Variants in GORAB observed in about 807,000 individuals in gnomAD.
GORAB encodes the protein RAB6-interacting golgin.
Under a neutral mutation model 29.9 loss-of-function variants are expected in GORAB, and 17 were observed. The observed-to-expected ratio is 0.57, with a 90% CI of 0.39 to 0.85. The LOEUF (loss-of-function observed/expected upper bound fraction) is 0.85. Ranked by LOEUF, GORAB falls within the 40% of genes least tolerant of loss-of-function variation. The pLI, the probability that GORAB is intolerant of heterozygous loss-of-function variation, is 0.00. For synonymous variants in GORAB, 183 were observed against 157.2 expected (o/e 1.16, Z -1.23); for missense variants, 442 against 437.8 (o/e 1.01, Z -0.09).
At chr1:170,536,799 G>A (rs1171559446) in intron 1 of GORAB, among the ~76,000 whole-genome samples, 1 of 152,166 alleles carries the variant, frequency 6.6e-6, no homozygotes, top group Non-Finnish European at 1.5e-5. Flanking sequence ...GTAATATTAA[G>A]TAAAACAGAT....
intron 2 of GORAB, among the ~76,000 whole-genome samples, chr1:170,540,016 A>G (rs1431344952): frequency 7.1e-6 from 1 of 141,686 alleles, no homozygotes; most frequent in Non-Finnish European, 1.5e-5. Context: ...CCCAGGCTGG[A>G]GTGCAATGGC....
chr1:170,546,551 T>C (rs565532577), intron 4 of GORAB, among the ~76,000 whole-genome samples: 9 of 152,246 alleles, frequency 5.9e-5, no homozygotes, highest in Non-Finnish European at 1.3e-4. Context: ...AAAAACATCC[T>C]ATAGTCTATA....
intron 1 of GORAB, among the ~76,000 whole-genome samples, chr1:170,532,930 T>C (rs1224552510): frequency 6.6e-6 from 1 of 152,236 alleles, no homozygotes; most frequent in Non-Finnish European, 1.5e-5. Context: ...CTTGTGCTTC[T>C]CTCTCTGGCT....
In GORAB at chr1:170,553,148, T is replaced by C. The variant is rs1295995313; in HGVS notation, c.*686T>C. On this transcript the variant is annotated 3_prime_UTR_variant, in exon 5 of 5. Transcript: ENST00000367763. The stretch of plus-strand genomic sequence containing the variant: ...TGTAATTTTACTATTTTATTGTCTT[T>C]CCTTTAATCGATGAATTGATTAAAT... The C allele has an allele frequency of 2.3e-6, 1 of 434,908 alleles. No individual in the cohort carries two copies. The allele number at this position is 434,908 out of a possible 1,614,324, so 26.9% of individuals were successfully genotyped here.
At chr1:170,542,020 A>G (rs1006646413) in intron 2 of GORAB, among the ~76,000 whole-genome samples, 15 of 152,236 alleles carry the variant, frequency 9.9e-5, no homozygotes, top group Admixed American at 1.3e-4. Flanking sequence ...GAAAGAAAAT[A>G]TTAATATATG....
intron 4 of GORAB, among the ~76,000 whole-genome samples, chr1:170,548,199 G>A (rs996464641): frequency 1.3e-5 from 2 of 152,192 alleles, no homozygotes; most frequent in African/African-American, 4.8e-5. Flanking sequence ...GGTGGCTGTG[G>A]GCATCCCTTG....
Position 170,552,321 on chromosome 1 carries a change from T to C in GORAB, c.969T>C (p.Ala323=), listed in dbSNP as rs1650172138. The C allele has an allele frequency of 6.2e-7, 1 of 1,614,148 alleles. No individual in the cohort carries two copies. ...AGGAGAGTGTGACATTAGAATTTGCTAAAGAGAACAGAAAGTGTCAAGAAC... is the reference window on the plus strand; with the variant it reads ...AGGAGAGTGTGACATTAGAATTTGCCAAAGAGAACAGAAAGTGTCAAGAAC... ...PAEESVTLEF[A]KENRKCQEQA... Residue 323 remains alanine, a synonymous_variant, in exon 5 of 5, where the codon GCT becomes GCC. Transcript: ENST00000367763.
At chr1:170,534,633 A>C (rs1316232935) in intron 1 of GORAB, among the ~76,000 whole-genome samples, 16 of 152,206 alleles carry the variant, frequency 1.1e-4, no homozygotes, top group Admixed American at 5.9e-4. Context: ...ATGTTTAGAT[A>C]CACAAATACC....
intron 1 of GORAB, among the ~76,000 whole-genome samples, chr1:170,536,891 TAGAG>T (rs1210124227): frequency 7.9e-5 from 12 of 152,188 alleles, no homozygotes; most frequent in African/African-American, 2.2e-4. Context: ...ATATGACTAT[TAGAG>T]AAGGAAGAGA....
At chr1:170,532,422 T>G in intron 1 of GORAB, 138 bp downstream of exon 1, 1 of 924,308 alleles carries the variant, frequency 1.1e-6, no homozygotes, top group Non-Finnish European at 1.7e-6. Context: ...GTGGACTGGA[T>G]TAGGGGGTTT....
At chr1:170,550,826 C>CT (rs1426205486) in intron 4 of GORAB, among the ~76,000 whole-genome samples, 1 of 152,118 alleles carries the variant, frequency 6.6e-6, no homozygotes, top group Non-Finnish European at 1.5e-5. Context: ...GGAAATCAAT[C>CT]TTTTTTCTTG....
chr1:170,543,753 GTTC>G (rs1649586745), intron 3 of GORAB, among the ~76,000 whole-genome samples: 1 of 151,944 alleles, frequency 6.6e-6, no homozygotes, highest in African/African-American at 2.4e-5. Context: ...AGGCTCAGCA[GTTC>G]TTCTCATAAG....
At position 170,538,438 on chromosome 1, in the gene GORAB, A is replaced by G. The variant is rs567491929; in HGVS notation, c.62-772A>G. Among the ~76,000 whole-genome samples, 52 of 152,288 alleles carry G rather than the reference A, an allele frequency of 3.4e-4. No individual in the cohort carries two copies. The East Asian group carries it at 7.3e-3, about 21-fold the overall frequency. ...GTATGAATGTGGGTCAGATTCTCCA[A>G]TTGTCTGCCCTAAGATGTTAACACT... On this transcript the variant is annotated intron_variant, in intron 1 of 4. Transcript: ENST00000367763.
intron 2 of GORAB, 82 bp downstream of exon 2, chr1:170,539,649 G>T: frequency 6.9e-7 from 1 of 1,442,722 alleles, no homozygotes; most frequent in African/African-American, 1.4e-5. Context: ...AATATAATTT[G>T]TTTATTTTAA....
Position 170,539,491 on chromosome 1 carries a change from T to C in GORAB, c.343T>C (p.Ser115Pro). The C allele has an allele frequency of 3.1e-6, 5 of 1,614,084 alleles. No individual in the cohort carries two copies. Among genetic ancestry groups the C allele is most frequent in the Non-Finnish European group, 4.2e-6 (5 of 1,179,984 alleles). ...GCCAAAGGAACTGGGACTTGAGAAT[T>C]CCCATGATGGTCACAACAATGTTGA... The part of the protein sequence containing the change: ...SQPKELGLEN[S>P]HDGHNNVEIL... The change falls in exon 2 of 5, where the codon TCC becomes CCC. Residue 115 changes from serine (S) to proline (P), a missense_variant. Physicochemically the swap from Ser to Pro is moderately conservative, Grantham distance 74. Transcript: ENST00000367763.
intron 2 of GORAB, among the ~76,000 whole-genome samples, chr1:170,541,853 C>G (rs1224625180): frequency 6.6e-6 from 1 of 152,048 alleles, no homozygotes; most frequent in Non-Finnish European, 1.5e-5. Context: ...TGGCTCACAC[C>G]TGTAATCCCA....
At chr1:170,533,805 G>A (rs755341921) in intron 1 of GORAB, among the ~76,000 whole-genome samples, 3 of 152,122 alleles carry the variant, frequency 2.0e-5, no homozygotes, top group Admixed American at 1.3e-4. Flanking sequence ...TCGCTAGTCC[G>A]TGACCACCTC....
chr1:170,543,071 G>T (rs1267201546), intron 3 of GORAB, among the ~76,000 whole-genome samples: 1 of 152,180 alleles, frequency 6.6e-6, no homozygotes, highest in Admixed American at 6.5e-5. Flanking sequence ...ACAAGTAGAA[G>T]ATACATGATA....
chr1:170,543,375 C>T lies in GORAB; in HGVS notation c.521+783C>T, dbSNP rs368051207. ...GGAAGTACATTTTCTTTTTAGACTT[C>T]CAGAAAAGTCTGTCAAACTGTTACT... On this transcript the variant is annotated intron_variant, in intron 3 of 4. Coordinates refer to ENST00000367763, the MANE Select transcript of GORAB (RefSeq NM_152281.3). Among the ~76,000 whole-genome samples the T allele has an allele frequency of 1.2e-3, 189 of 152,220 alleles. 2 individuals carry two copies. Among genetic ancestry groups the T allele is most frequent in the Middle Eastern group, 0.01 (3 of 294 alleles).
Sources: allele counts gnomAD v4.1 joint callset (sites outside exome capture counted in the v4.1 genomes callset), GRCh38; gene constraint gnomAD v4.1.1; transcripts MANE v1.5; gene names NCBI Gene and HGNC (gene_info 2026-07-23, HGNC 2026-07-21).